Variants in BBS9 observed in about 807,000 individuals in gnomAD.
BBS9 encodes the protein protein PTHB1.
BBS9 carries 89 observed loss-of-function variants against 117.7 expected under a neutral mutation model. That is an observed-to-expected ratio of 0.76 (90% CI 0.64 to 0.90). The LOEUF is 0.90. BBS9 is among the 40% of genes least tolerant of loss of function. The pLI is 0.00. For missense variants in BBS9, 982 were observed against 1,042.2 expected (o/e 0.94, Z 0.80); for synonymous variants, 379 against 370.9 (o/e 1.02, Z -0.25).
intron 21 of BBS9, among the ~76,000 whole-genome samples, chr7:33,595,713 C>A (rs187186258): frequency 4.6e-5 from 7 of 152,106 alleles, no homozygotes; most frequent in Admixed American, 3.9e-4. Flanking sequence ...ATAAATCATT[C>A]CACTGTAAAG....
In BBS9 at chr7:33,157,269, GA is replaced by G. The variant is rs1401019455; in HGVS notation, c.328+1570del. On this transcript the variant is annotated intron_variant, in intron 4 of 22. Transcript: ENST00000242067. ...TACTTATCAGAAAAACGTACTGAAA[GA>G]AACTGGCATATTAGGTGACAATTTG... Among the ~76,000 whole-genome samples the G allele has an allele frequency of 2.0e-5, 3 of 152,172 alleles. No homozygotes were observed. The East Asian group carries it at 5.8e-4, about 29-fold the overall frequency.
At chr7:33,142,103 A>C in intron 1 of BBS9, among the ~76,000 whole-genome samples, 1 of 151,994 alleles carries the variant, frequency 6.6e-6, no homozygotes, top group East Asian at 1.9e-4. Context: ...TTGTATTCTT[A>C]GTAGAGACGG....
intron 5 of BBS9, among the ~76,000 whole-genome samples, chr7:33,224,961 C>T (rs975568657): frequency 5.9e-5 from 9 of 151,978 alleles, no homozygotes; most frequent in African/African-American, 1.2e-4. Flanking sequence ...TATTATGTAA[C>T]GGAAATACAT....
At chr7:33,600,172 C>T (rs913450786) in intron 21 of BBS9, among the ~76,000 whole-genome samples, 1 of 152,242 alleles carries the variant, frequency 6.6e-6, no homozygotes, top group African/African-American at 2.4e-5. Context: ...CTCAAAGTAT[C>T]GCCGGAAGAC....
chr7:33,397,361 T>G (rs2128779961), intron 19 of BBS9, among the ~76,000 whole-genome samples: 1 of 152,272 alleles, frequency 6.6e-6, no homozygotes, highest in African/African-American at 2.4e-5. Context: ...AACACTTTTA[T>G]ACGTTGGTGG....
chr7:33,521,265 C>G (rs1848549640), intron 20 of BBS9, among the ~76,000 whole-genome samples: 1 of 152,164 alleles, frequency 6.6e-6, no homozygotes, highest in Non-Finnish European at 1.5e-5. Flanking sequence ...CAAAAGGGAT[C>G]AGAGTGGGTT....
At chr7:33,478,170 T>C (rs1842051796) in intron 19 of BBS9, among the ~76,000 whole-genome samples, 1 of 152,158 alleles carries the variant, frequency 6.6e-6, no homozygotes, top group South Asian at 2.1e-4. Context: ...AAAATTATAG[T>C]TGTGAACCTT....
At chr7:33,374,271 G>A (rs1246207891) in intron 17 of BBS9, among the ~76,000 whole-genome samples, 1 of 152,010 alleles carries the variant, frequency 6.6e-6, no homozygotes, top group Non-Finnish European at 1.5e-5. Flanking sequence ...TAAAGCATGA[G>A]GTTTCAAAGG....
intron 5 of BBS9, among the ~76,000 whole-genome samples, chr7:33,253,822 A>T (rs1796601018): frequency 6.6e-6 from 1 of 152,154 alleles, no homozygotes; most frequent in African/African-American, 2.4e-5. Flanking sequence ...TTGTATGTAT[A>T]ACCTCTGCTC....
chr7:33,217,415 C>T (rs1789294293), intron 5 of BBS9, among the ~76,000 whole-genome samples: 1 of 152,060 alleles, frequency 6.6e-6, no homozygotes, highest in African/African-American at 2.4e-5. Context: ...CATTTCTGCT[C>T]ACATGAGCCA....
intron 19 of BBS9, among the ~76,000 whole-genome samples, chr7:33,492,197 C>T (rs566726504): frequency 5.9e-4 from 68 of 114,860 alleles, no homozygotes; most frequent in Admixed American, 2.1e-3. Context: ...AGCAAGATTC[C>T]ACCTCGAAAA....
intron 19 of BBS9, among the ~76,000 whole-genome samples, chr7:33,400,120 T>C (rs1366830856): frequency 6.6e-6 from 1 of 152,108 alleles, no homozygotes; most frequent in African/African-American, 2.4e-5. Context: ...TCTTGGTAAG[T>C]TTATCAGATT....
intron 21 of BBS9, among the ~76,000 whole-genome samples, chr7:33,569,639 A>G (rs1287759520): frequency 6.6e-6 from 1 of 151,676 alleles, no homozygotes; most frequent in African/African-American, 2.4e-5. Context: ...GCTGGCGCCT[A>G]TAGTCCTAGC....
At chr7:33,586,662 G>A (rs567431238) in intron 21 of BBS9, among the ~76,000 whole-genome samples, 1 of 152,220 alleles carries the variant, frequency 6.6e-6, no homozygotes, top group East Asian at 1.9e-4. Flanking sequence ...ATCAGCAGTG[G>A]ATTGGATAAA....
intron 5 of BBS9, among the ~76,000 whole-genome samples, chr7:33,225,756 T>C (rs1348956012): frequency 6.7e-6 from 1 of 148,822 alleles, no homozygotes; most frequent in Non-Finnish European, 1.5e-5. Context: ...TGGGTGCTGG[T>C]GGTGTTCAGT....
At chr7:33,434,014 A>T (rs963709718) in intron 19 of BBS9, among the ~76,000 whole-genome samples, 1 of 151,976 alleles carries the variant, frequency 6.6e-6, no homozygotes, top group Non-Finnish European at 1.5e-5. Flanking sequence ...ACATTTTTAA[A>T]AGTTGATTTT....
chr7:33,442,844 C>A (rs940734948), intron 19 of BBS9, among the ~76,000 whole-genome samples: 1 of 152,004 alleles, frequency 6.6e-6, no homozygotes, highest in Non-Finnish European at 1.5e-5. Context: ...CAGCCATTAC[C>A]TGCATTGGTC....
At chr7:33,253,150 A>G (rs1200965718) in intron 5 of BBS9, among the ~76,000 whole-genome samples, 1 of 152,180 alleles carries the variant, frequency 6.6e-6, no homozygotes, top group Non-Finnish European at 1.5e-5. Context: ...AATTGTCCCA[A>G]TATCTTTCCT....
rs898074890 is a variant in BBS9, at chr7:33,142,876, A to T, written c.-11-3366A>T. On this transcript the variant is annotated intron_variant, in intron 1 of 22. Transcript: ENST00000242067. ...TCTTGGTTATTGTGAATTATGATAC[A>T]GTAAATCCGTGTGTAAAAATATCTC... is the stretch of plus-strand genomic sequence containing the variant. 5.3e-5 allele frequency among the ~76,000 whole-genome samples: 8 copies of T among 152,306 alleles called. No individual in the cohort carries two copies. The South Asian group carries it at 1.7e-3, about 32-fold the overall frequency.
Sources: gnomAD v4.1 joint callset for allele counts (sites outside exome capture counted in the v4.1 genomes callset) on GRCh38, gnomAD v4.1.1 for gene constraint, MANE v1.5 for transcripts, NCBI Gene and HGNC (gene_info 2026-07-23, HGNC 2026-07-21) for gene names.